The following GNAO1 variants were observed in gnomAD, a reference collection of about 807,000 sequenced individuals.
GNAO1 encodes the protein guanine nucleotide-binding protein G(o) subunit alpha.
For missense variants in GNAO1, 166 were observed against 478.7 expected (o/e 0.35, Z 6.10); for synonymous variants, 164 against 180.7 (o/e 0.91, Z 0.74).
At chr16:56,344,299 C>T in intron 6 of GNAO1, 1 of 1,173,398 alleles carries the variant, frequency 8.5e-7, no homozygotes, top group African/African-American at 1.5e-5. Context: ...TCGGAGTGTC[C>T]TCCTGTCATC....
chr16:56,199,889 A>G (rs901871600), intron 2 of GNAO1, among the ~76,000 whole-genome samples: 3 of 152,218 alleles, frequency 2.0e-5, no homozygotes, highest in Non-Finnish European at 4.4e-5. Context: ...GTAAAATAAA[A>G]TCTTGCAAGG....
intron 2 of GNAO1, among the ~76,000 whole-genome samples, chr16:56,211,915 A>G (rs530148209): frequency 6.6e-6 from 1 of 152,352 alleles, no homozygotes; most frequent in South Asian, 2.1e-4. Context: ...ACTTTGGAAC[A>G]CATGGCTCTT....
Position 56,211,434 on chromosome 16 carries a change from G to A in GNAO1, c.161+18818G>A, listed in dbSNP as rs372010455. Among the ~76,000 whole-genome samples the A allele has an allele frequency of 1.1e-4, 16 of 152,168 alleles. No homozygotes were observed. In the East Asian group the frequency reaches 1.2e-3, roughly 11 times the overall value. ...TGGGCCTCCTACCTCCAGCTATGCC[G>A]TCCTCCAGGGTCCCCTCCCAGCCCA... On this transcript the variant is annotated intron_variant, in intron 2 of 8. Coordinates refer to ENST00000262493, the MANE Select transcript of GNAO1 (RefSeq NM_020988.3).
chr16:56,319,320 G>A (rs1351658818), intron 3 of GNAO1, among the ~76,000 whole-genome samples: 2 of 152,194 alleles, frequency 1.3e-5, no homozygotes, highest in African/African-American at 4.8e-5. Flanking sequence ...CCCCTGGGGT[G>A]TGGCACAGGA....
chr16:56,345,964 C>T (rs557165203), intron 6 of GNAO1: 130 of 985,608 alleles, frequency 1.3e-4, no homozygotes, highest in Non-Finnish European at 1.5e-4. Context: ...CCTCAGAACA[C>T]AGTGGCCAGA....
intron 2 of GNAO1, 78 bp from the exon 3 acceptor site, chr16:56,275,853 G>A: frequency 8.6e-6 from 11 of 1,284,106 alleles, no homozygotes; most frequent in South Asian, 2.1e-5. Flanking sequence ...CAGTCAGCCA[G>A]TGCGTCTCAT....
chr16:56,284,286 C>T (rs1447109065), intron 3 of GNAO1, among the ~76,000 whole-genome samples: 1 of 152,196 alleles, frequency 6.6e-6, no homozygotes, highest in Non-Finnish European at 1.5e-5. Flanking sequence ...CTCTGAAATT[C>T]TAGCTCTCCA....
At chr16:56,251,300 A>G (rs1247951451) in intron 2 of GNAO1, among the ~76,000 whole-genome samples, 1 of 152,230 alleles carries the variant, frequency 6.6e-6, no homozygotes, top group East Asian at 1.9e-4. Context: ...GAAGTTGCCC[A>G]TTACACTGAT....
intron 2 of GNAO1, among the ~76,000 whole-genome samples, chr16:56,199,906 G>C (rs2036266881): frequency 6.6e-6 from 1 of 152,192 alleles, no homozygotes; most frequent in African/African-American, 2.4e-5. Flanking sequence ...AAGGCTAATA[G>C]TTGGTGCCCT....
chr16:56,288,723 T>C (rs546494992), intron 3 of GNAO1, among the ~76,000 whole-genome samples: 2 of 152,234 alleles, frequency 1.3e-5, no homozygotes, highest in African/African-American at 4.8e-5. Flanking sequence ...CCCCTGGAAC[T>C]CAGCAGCAGG....
intron 3 of GNAO1, among the ~76,000 whole-genome samples, chr16:56,289,403 G>A (rs552078391): frequency 5.3e-5 from 8 of 152,320 alleles, no homozygotes; most frequent in East Asian, 1.9e-4. Context: ...GTCCCCACCC[G>A]GTGGGGATGG....
chr16:56,257,880 C>T (rs912703395), intron 2 of GNAO1, among the ~76,000 whole-genome samples: 7 of 152,310 alleles, frequency 4.6e-5, no homozygotes, highest in Middle Eastern at 3.4e-3. Flanking sequence ...GTGTGGATCA[C>T]GAGAGCACCA....
chr16:56,271,804 T>G (rs1281003779), intron 2 of GNAO1, among the ~76,000 whole-genome samples: 1 of 152,186 alleles, frequency 6.6e-6, no homozygotes, highest in South Asian at 2.1e-4. Flanking sequence ...GGTAGGCACT[T>G]TACATTTATT....
chr16:56,353,881 CTGCCCCT>C (rs1471539389), intron 7 of GNAO1, among the ~76,000 whole-genome samples: 2 of 152,354 alleles, frequency 1.3e-5, no homozygotes, highest in East Asian at 1.9e-4. Flanking sequence ...TCCCAACCCC[CTGCCCCT>C]TGCCCCTTGT....
chr16:56,309,310 A>G (rs2037431013), intron 3 of GNAO1, among the ~76,000 whole-genome samples: 1 of 152,230 alleles, frequency 6.6e-6, no homozygotes, highest in Non-Finnish European at 1.5e-5. Flanking sequence ...TCTTCTCTCA[A>G]AAAGGATGAG....
chr16:56,323,372 C>T (rs2037596690), intron 3 of GNAO1, among the ~76,000 whole-genome samples: 1 of 152,302 alleles, frequency 6.6e-6, no homozygotes, highest in African/African-American at 2.4e-5. Context: ...AAAACACACA[C>T]TGAAGATAGT....
At chr16:56,241,810 G>A (rs578116784) in intron 2 of GNAO1, among the ~76,000 whole-genome samples, 4 of 152,320 alleles carry the variant, frequency 2.6e-5, no homozygotes, top group African/African-American at 9.6e-5. Context: ...TATTTTGATT[G>A]AGTGTATGTT....
chr16:56,354,319 A>T lies in GNAO1; in HGVS notation c.878-547A>T, dbSNP rs143277808. Among the ~76,000 whole-genome samples the T allele has an allele frequency of 2.8e-3, 421 of 152,184 alleles. 11 individuals are homozygous for T. In the South Asian group the frequency reaches 0.046, roughly 17 times the overall value. The stretch of plus-strand genomic sequence containing the variant: ...GATCTTGCAAAGTCCAAAGCCAGGC[A>T]AATGCTCAGCCTGTGTATGGTTGGT... On this transcript the variant is annotated intron_variant, in intron 7 of 8. Transcript: ENST00000262493. This position sits in a 1 kb window ranked among gnomAD's most constrained non-coding sequence, Gnocchi z 4.3.
chr16:56,259,684 C>G (rs188368459), intron 2 of GNAO1, among the ~76,000 whole-genome samples: 40 of 152,314 alleles, frequency 2.6e-4, no homozygotes, highest in African/African-American at 8.2e-4. Flanking sequence ...TGGGAGTGGT[C>G]TGCAGAAGGG....
Sources: gnomAD v4.1 joint callset for allele counts (sites outside exome capture counted in the v4.1 genomes callset) on GRCh38, gnomAD v4.1.1 for gene constraint, Gnocchi (gnomAD v3.1) non-coding constraint, MANE v1.5 for transcripts, NCBI Gene and HGNC (gene_info 2026-07-23, HGNC 2026-07-21) for gene names.